LRP1B: variants seen among roughly 807,000 people sequenced by gnomAD.
LRP1B encodes low-density lipoprotein receptor-related protein 1B.
Under a neutral mutation model 556.6 loss-of-function variants are expected in LRP1B, and 217 were observed. That is an observed-to-expected ratio of 0.39 (90% CI 0.35 to 0.44). LRP1B has a LOEUF of 0.44. LRP1B is among the 20% of genes least tolerant of loss of function. The pLI is 1.00. For missense variants in LRP1B, 5,053 were observed against 5,620.8 expected (o/e 0.90, Z 3.23); for synonymous variants, 2,047 against 1,865.8 (o/e 1.10, Z -2.50).
At chr2:141,983,976 G>C (rs189299787) in intron 1 of LRP1B, among the ~76,000 whole-genome samples, 1 of 152,078 alleles carries the variant, frequency 6.6e-6, no homozygotes, top group African/African-American at 2.4e-5. Flanking sequence ...CAGGAGAATC[G>C]CTTGAACCCT....
At chr2:141,348,146 G>T (rs1322437080) in intron 3 of LRP1B, among the ~76,000 whole-genome samples, 1 of 152,008 alleles carries the variant, frequency 6.6e-6, no homozygotes, top group Non-Finnish European at 1.5e-5. Context: ...TAACATTTAT[G>T]CACTAACTGC....
At position 140,236,385 on chromosome 2, in the gene LRP1B, T is replaced by C. The variant is rs1219785278; in HGVS notation, c.13561-1501A>G. Among the ~76,000 whole-genome samples, 3 of 150,944 alleles carry C rather than the reference T, an allele frequency of 2.0e-5. No individual in the cohort carries two copies. In the Admixed American group the frequency reaches 2.0e-4, roughly 10 times the overall value. ...TGTAAGTCAGAAAAATAAATAACTA[T>C]TCAATAAATAAGTGAATAAACCAAG... On this transcript the variant is annotated intron_variant, in intron 89 of 90. Transcript: ENST00000389484.
chr2:142,002,822 G>T (rs529951159), intron 1 of LRP1B, among the ~76,000 whole-genome samples: 52 of 152,204 alleles, frequency 3.4e-4, no homozygotes, highest in African/African-American at 1.2e-3. Context: ...GTAGTGGGTG[G>T]CAGGGAACAG....
intron 25 of LRP1B, among the ~76,000 whole-genome samples, chr2:140,879,001 A>G (rs1402032675): frequency 1.3e-5 from 2 of 151,970 alleles, no homozygotes; most frequent in South Asian, 2.1e-4. Flanking sequence ...AAAAAAAAAA[A>G]AAAAGAAAAA....
intron 25 of LRP1B, among the ~76,000 whole-genome samples, chr2:140,882,536 AT>A (rs1693506688): frequency 6.6e-6 from 1 of 152,222 alleles, no homozygotes; most frequent in African/African-American, 2.4e-5. Flanking sequence ...AATATTTTAA[AT>A]TTTGACAACT....
At chr2:141,101,364 CTCTAAAGCCACATGAG>C (rs1165067290) in intron 7 of LRP1B, among the ~76,000 whole-genome samples, 2 of 152,120 alleles carry the variant, frequency 1.3e-5, no homozygotes, top group Admixed American at 6.6e-5. Context: ...TATCTCACCA[CTCTAAAGCCACATGAG>C]TCTATTATAC....
At chr2:140,567,947 C>G (rs955587678) in intron 43 of LRP1B, among the ~76,000 whole-genome samples, 6 of 152,112 alleles carry the variant, frequency 3.9e-5, no homozygotes, top group Non-Finnish European at 8.8e-5. Context: ...CCCTTCGTAA[C>G]CAGTACACTA....
intron 2 of LRP1B, among the ~76,000 whole-genome samples, chr2:141,734,307 T>G (rs2105525241): frequency 6.6e-6 from 1 of 152,238 alleles, no homozygotes. Flanking sequence ...GCAATAAATT[T>G]AATTAAGTGA....
chr2:140,740,928 T>A (rs1688115682), intron 35 of LRP1B, among the ~76,000 whole-genome samples: 1 of 152,094 alleles, frequency 6.6e-6, no homozygotes, highest in South Asian at 2.1e-4. Flanking sequence ...TATGGTCACA[T>A]ACTGAGGGGC....
chr2:140,610,717 C>G (rs1017939832), intron 41 of LRP1B, among the ~76,000 whole-genome samples: 1 of 152,206 alleles, frequency 6.6e-6, no homozygotes. Flanking sequence ...TCCTGAGTAG[C>G]TGGGACTACA....
chr2:141,873,244 C>T (rs116261945), intron 1 of LRP1B, among the ~76,000 whole-genome samples: 26,144 of 151,788 alleles, frequency 0.17, 2,270 homozygotes, highest in South Asian at 0.19. Flanking sequence ...TTGCTTGAGT[C>T]AAGGAGTTTG....
At chr2:141,127,655 G>A (rs536937417) in intron 7 of LRP1B, among the ~76,000 whole-genome samples, 130 of 152,162 alleles carry the variant, frequency 8.5e-4, no homozygotes, top group African/African-American at 3.0e-3. Context: ...TCTCTTCAAT[G>A]GAGTTTAAGT....
chr2:140,256,531 C>T (rs541538884), intron 86 of LRP1B, among the ~76,000 whole-genome samples: 43 of 118,998 alleles, frequency 3.6e-4, no homozygotes, highest in Middle Eastern at 0.014. Context: ...TGCAGTGGCG[C>T]GATCTCAGCT....
At chr2:140,622,188 T>C (rs771932099) in intron 41 of LRP1B, among the ~76,000 whole-genome samples, 4 of 152,208 alleles carry the variant, frequency 2.6e-5, no homozygotes, top group African/African-American at 4.8e-5. Context: ...CCAAGTGCAA[T>C]ATGTTTGATT....
intron 1 of LRP1B, among the ~76,000 whole-genome samples, chr2:142,074,681 A>G (rs1370731299): frequency 6.6e-6 from 1 of 151,614 alleles, no homozygotes; most frequent in African/African-American, 2.4e-5. Flanking sequence ...GTCATCTCCT[A>G]CTCACCCCAG....
At chr2:140,591,273 T>A (rs1682213096) in intron 43 of LRP1B, among the ~76,000 whole-genome samples, 1 of 152,202 alleles carries the variant, frequency 6.6e-6, no homozygotes, top group Non-Finnish European at 1.5e-5. Flanking sequence ...TTGATTGCAA[T>A]GTCCATCATG....
At chr2:140,718,753 C>T (rs1441644481) in intron 35 of LRP1B, among the ~76,000 whole-genome samples, 1 of 152,008 alleles carries the variant, frequency 6.6e-6, no homozygotes, top group Non-Finnish European at 1.5e-5. Context: ...CCAATCCTCC[C>T]TCGCCTAATT....
intron 25 of LRP1B, among the ~76,000 whole-genome samples, chr2:140,875,870 T>C (rs2105172175): frequency 6.6e-6 from 1 of 152,302 alleles, no homozygotes; most frequent in South Asian, 2.1e-4. Context: ...ACATTATCAG[T>C]AATAATTATA....
chr2:140,647,404 TTTAC>T (rs746837275), intron 41 of LRP1B, among the ~76,000 whole-genome samples: 19 of 152,268 alleles, frequency 1.2e-4, no homozygotes, highest in Admixed American at 7.8e-4. Context: ...TTCCCATTTA[TTTAC>T]TTATTCAATA....
Sources: allele counts gnomAD v4.1 joint callset (sites outside exome capture counted in the v4.1 genomes callset), GRCh38; gene constraint gnomAD v4.1.1; transcripts MANE v1.5; gene names NCBI Gene and HGNC (gene_info 2026-07-23, HGNC 2026-07-21).